Variants in LGSN observed in about 807,000 individuals in gnomAD.
The protein encoded by LGSN is lengsin.
Under a neutral mutation model 19.5 loss-of-function variants are expected in LGSN, and 21 were observed. The observed-to-expected ratio is 1.07, with a 90% CI of 0.76 to 1.55. The LOEUF is 1.55. Among genes scored for constraint, LGSN ranks in the 40% most tolerant of loss-of-function variants. LGSN has a pLI of 0.00. For missense variants in LGSN, 673 were observed against 608.5 expected, an observed-to-expected ratio of 1.11 and a Z score of -1.12; for synonymous variants, 257 against 215.6, an observed-to-expected ratio of 1.19 and a Z score of -1.68.
At chr6:63,339,379 A>G in the LGSN span, among the ~76,000 whole-genome samples, 1 of 152,144 alleles carries the variant, frequency 6.6e-6, no homozygotes, top group South Asian at 2.1e-4. Context: ...ATATATTTAC[A>G]ATTGATATAT....
the LGSN span, among the ~76,000 whole-genome samples, chr6:63,555,755 G>A: frequency 6.7e-6 from 1 of 149,696 alleles, no homozygotes; most frequent in African/African-American, 2.5e-5. Flanking sequence ...GTGCAATGGC[G>A]TGATCCCGGC....
chr6:63,353,581 T>A, the LGSN span, among the ~76,000 whole-genome samples: 3 of 144,222 alleles, frequency 2.1e-5, no homozygotes, highest in Non-Finnish European at 1.5e-5. Flanking sequence ...AAAGAAGCAG[T>A]TTGTAGCAAA....
the LGSN span, among the ~76,000 whole-genome samples, chr6:63,444,690 G>A: frequency 5.1e-4 from 77 of 152,226 alleles, no homozygotes; most frequent in African/African-American, 1.5e-3. Context: ...ACATTCCACC[G>A]TTAACATATC....
intron 1 of LGSN, among the ~76,000 whole-genome samples, chr6:63,306,058 C>G (rs1768373067): frequency 6.6e-6 from 1 of 150,460 alleles, no homozygotes; most frequent in Non-Finnish European, 1.5e-5. Context: ...CAGAGTGAGA[C>G]TCTGTCTCAA....
the LGSN span, among the ~76,000 whole-genome samples, chr6:63,432,161 GAAAGAAAGAAAAGGAAA>G: frequency 2.2e-4 from 18 of 81,164 alleles, 1 homozygote; most frequent in Non-Finnish European, 3.7e-4. Flanking sequence ...AAGAAAGAAA[GAAAGAAAGAAAAGGAAA>G]GAAAGAAAAG....
chr6:63,483,667 T>C, the LGSN span, among the ~76,000 whole-genome samples: 81,485 of 151,952 alleles, frequency 0.54, 23,684 homozygotes, highest in African/African-American at 0.77. Context: ...TGACAAAATG[T>C]CACAGATGGG....
chr6:63,530,408 T>C, the LGSN span, among the ~76,000 whole-genome samples: 1 of 152,190 alleles, frequency 6.6e-6, no homozygotes, highest in Non-Finnish European at 1.5e-5. Context: ...CTGCCTTTTA[T>C]TCCCAAATCT....
At chr6:63,480,298 GTATAAT>G in the LGSN span, 1 of 214,946 alleles carries the variant, frequency 4.7e-6, no homozygotes, top group Non-Finnish European at 1.0e-5. Context: ...CTCTACATTG[GTATAAT>G]TACATCAAGT....
At chr6:63,456,346 AATATACATATATAT>A in the LGSN span, among the ~76,000 whole-genome samples, 3,731 of 100,442 alleles carry the variant, frequency 0.037, 512 homozygotes, top group African/African-American at 0.15. Flanking sequence ...ACTTGGCAGA[AATATACATATATAT>A]ATATATATAT....
intron 1 of LGSN, among the ~76,000 whole-genome samples, chr6:63,305,728 C>A (rs1413638011): frequency 2.0e-5 from 3 of 152,148 alleles, no homozygotes; most frequent in Admixed American, 6.6e-5. Context: ...ATTCTTTGCT[C>A]AATCAAACTC....
chr6:63,454,793 C>CTTTTTTTTTTTTTT, the LGSN span, among the ~76,000 whole-genome samples: 34 of 91,726 alleles, frequency 3.7e-4, 1 homozygote, highest in Non-Finnish European at 4.6e-4. Flanking sequence ...TTTTCTTTTT[C>CTTTTTTTTTTTTTT]TTTTTTTTTT....
the LGSN span, among the ~76,000 whole-genome samples, chr6:63,547,187 ATTTTTTTT>A: frequency 7.5e-6 from 1 of 133,984 alleles, no homozygotes; most frequent in African/African-American, 2.8e-5. Flanking sequence ...GTAGGGGGGA[ATTTTTTTT>A]TTTTTTTTTT....
the LGSN span, among the ~76,000 whole-genome samples, chr6:63,373,297 A>C: frequency 6.6e-6 from 1 of 152,230 alleles, no homozygotes; most frequent in Non-Finnish European, 1.5e-5. Flanking sequence ...GTTGATTACC[A>C]AAGGAAAAAT....
At chr6:63,419,748 C>T in the LGSN span, among the ~76,000 whole-genome samples, 3 of 150,822 alleles carry the variant, frequency 2.0e-5, no homozygotes, top group Non-Finnish European at 3.0e-5. Flanking sequence ...ATTAGCCGGC[C>T]GTGTTGGTGG....
the LGSN span, among the ~76,000 whole-genome samples, chr6:63,367,940 G>A: frequency 2.0e-5 from 3 of 151,242 alleles, no homozygotes; most frequent in African/African-American, 7.3e-5. Context: ...GGGGCCTGTC[G>A]TGGGGTGGGG....
the LGSN span, among the ~76,000 whole-genome samples, chr6:63,520,085 T>C: frequency 6.6e-6 from 1 of 152,200 alleles, no homozygotes; most frequent in Non-Finnish European, 1.5e-5. Context: ...TGCGAGAACA[T>C]AATTATCAAA....
the LGSN span, among the ~76,000 whole-genome samples, chr6:63,433,151 G>T: frequency 6.6e-6 from 1 of 151,654 alleles, no homozygotes; most frequent in Non-Finnish European, 1.5e-5. Context: ...TTTTATCATC[G>T]CAGAAGGGGG....
the LGSN span, among the ~76,000 whole-genome samples, chr6:63,386,381 G>A: frequency 6.6e-6 from 1 of 151,612 alleles, no homozygotes; most frequent in African/African-American, 2.4e-5. Flanking sequence ...AGAGTTTTGG[G>A]GCTTTTTAAT....
the LGSN span, among the ~76,000 whole-genome samples, chr6:63,398,481 T>A: frequency 8.2e-3 from 1,244 of 152,086 alleles, 14 homozygotes; most frequent in South Asian, 0.025. Context: ...ATAGAAAAAA[T>A]GCTTTTAGAA....
Sources: allele counts gnomAD v4.1 joint callset (sites outside exome capture counted in the v4.1 genomes callset), GRCh38; gene constraint gnomAD v4.1.1; transcripts MANE v1.5; gene names NCBI Gene and HGNC (gene_info 2026-07-23, HGNC 2026-07-21).